The following UGT1A3 variants were observed in gnomAD, a reference collection of about 807,000 sequenced individuals.
UGT1A3 encodes UDP-glucuronosyltransferase 1A3.
In UGT1A3, 31 loss-of-function variants were observed where a neutral mutation model predicts 41.0. The observed-to-expected ratio is 0.76, with a 90% CI of 0.57 to 1.02. UGT1A3 has a LOEUF of 1.02. Ranked by LOEUF, UGT1A3 falls within the 50% of genes least tolerant of loss-of-function variation. The pLI, the probability that UGT1A3 is intolerant of heterozygous loss-of-function variation, is 0.00. For missense variants in UGT1A3, 737 were observed against 671.0 expected, an observed-to-expected ratio of 1.10 and a Z score of -1.09; for synonymous variants, 262 against 257.6, an observed-to-expected ratio of 1.02 and a Z score of -0.17.
At position 233,729,556 on chromosome 2, in the gene UGT1A3, A is replaced by T. The variant is rs150465811; in HGVS notation, c.430A>T (p.Thr144Ser). The T allele has an allele frequency of 6.2e-7, 1 of 1,614,134 alleles. No homozygotes were observed. Among genetic ancestry groups the T allele is most frequent in the East Asian group, 2.2e-5 (1 of 44,882 alleles). ...NEALIRHLNA[T>S]SFDVVLTDPV... is the part of the protein sequence containing the mutation. ...GGCCCTGATCAGGCACCTGAATGCT[A>T]CTTCCTTTGATGTGGTTTTAACAGA... Residue 144 changes from threonine (T) to serine (S), a missense_variant, in exon 1 of 5, where the codon ACT becomes TCT. By Grantham distance (58) the Thr-to-Ser change is moderately conservative. Coordinates refer to ENST00000482026, the MANE Select transcript of UGT1A3 (RefSeq NM_019093.4).
Position 233,730,281 on chromosome 2 carries a change from C to T in UGT1A3, c.867+288C>T, listed in dbSNP as rs566860864. On this transcript the variant is annotated intron_variant, in intron 1 of 4. Transcript: ENST00000482026. ...GACTGTTGGTTTGTAAAGGCACCATCTTCATGGTTGTGCATGTCCTTCAGC... is the reference window on the plus strand; with the variant it reads ...GACTGTTGGTTTGTAAAGGCACCATTTTCATGGTTGTGCATGTCCTTCAGC... 2.6e-5 allele frequency among the ~76,000 whole-genome samples: 4 copies of T among 152,274 alleles called. No individual in the cohort carries two copies. In the South Asian group the frequency reaches 8.3e-4, roughly 32 times the overall value.
chr2:233,773,036 G>A lies in UGT1A3; in HGVS notation c.*477G>A. ...TGCCACCTTGTGTGTTTAAAGAAGG[G>A]AAGCTTTGTACCTTTAGAGTGTAGG... On this transcript the variant is annotated 3_prime_UTR_variant, in exon 5 of 5. Coordinates refer to ENST00000482026, the MANE Select transcript of UGT1A3 (RefSeq NM_019093.4). 1 of 196,980 alleles carries A rather than the reference G, an allele frequency of 5.1e-6. No individual in the cohort carries two copies. Among genetic ancestry groups the A allele is most frequent in the South Asian group, 9.8e-5 (1 of 10,240 alleles). The allele number at this position is 196,980 out of a possible 1,614,324, so 12.2% of individuals were successfully genotyped here. A position where few individuals can be genotyped will look rare whatever the true frequency, so the allele number is the denominator to read the frequency against.
At chr2:233,757,535 A>AATATATATACATATACATATATACATAT (rs376887521) in intron 1 of UGT1A3, among the ~76,000 whole-genome samples, 1 of 88,312 alleles carries the variant, frequency 1.1e-5, no homozygotes, top group African/African-American at 5.0e-5. Context: ...GCCTGTAAGG[A>AATATATATACATATACATATATACATAT]ATATATATAT....
chr2:233,746,667 C>A (rs4663969), intron 1 of UGT1A3, among the ~76,000 whole-genome samples: 68,357 of 151,262 alleles, frequency 0.45, 16,045 homozygotes, highest in South Asian at 0.58. Context: ...GAGTTCCTAG[C>A]ATAGTAGGTA....
At chr2:233,736,085 G>T (rs1296774053) in intron 1 of UGT1A3, among the ~76,000 whole-genome samples, 5 of 152,146 alleles carry the variant, frequency 3.3e-5, no homozygotes, top group African/African-American at 9.7e-5. Flanking sequence ...AGTTCTCCTG[G>T]ATAATATCCT....
At chr2:233,770,445 G>A (rs1397015735) in intron 4 of UGT1A3, 1 of 152,118 alleles carries the variant, frequency 6.6e-6, no homozygotes, top group Middle Eastern at 3.2e-3. Flanking sequence ...CTTGAGGTTA[G>A]GAGTTCGAAA....
intron 1 of UGT1A3, chr2:233,756,419 A>G (rs760544825): frequency 6.6e-6 from 1 of 151,366 alleles, no homozygotes; most frequent in Non-Finnish European, 1.5e-5. Context: ...TATTATTTGT[A>G]CTGTTTTTTT....
chr2:233,738,320 T>C (rs1202605644), intron 1 of UGT1A3, among the ~76,000 whole-genome samples: 5 of 152,210 alleles, frequency 3.3e-5, no homozygotes, highest in Admixed American at 3.3e-4. Context: ...AGTGTGTGAA[T>C]GGACTAATAC....
chr2:233,760,301 C>A (rs1697391714), intron 1 of UGT1A3: 1 of 1,613,532 alleles, frequency 6.2e-7, no homozygotes, highest in South Asian at 1.1e-5. Flanking sequence ...GCTGTGGAGT[C>A]CCAGGGCGGA....
chr2:233,740,407 A>T (rs1691384076), intron 1 of UGT1A3, among the ~76,000 whole-genome samples: 1 of 151,962 alleles, frequency 6.6e-6, no homozygotes, highest in South Asian at 2.1e-4. Context: ...AAAATGGGGA[A>T]GTCTCTCTAC....
intron 4 of UGT1A3, chr2:233,770,700 A>G (rs1353912546): frequency 1.3e-5 from 2 of 152,056 alleles, no homozygotes; most frequent in African/African-American, 4.8e-5. Flanking sequence ...AATTCATCTT[A>G]AGGTTTATGT....
intron 1 of UGT1A3, among the ~76,000 whole-genome samples, chr2:233,731,783 C>T (rs553987259): frequency 3.5e-4 from 54 of 152,240 alleles, no homozygotes; most frequent in African/African-American, 1.2e-3. Context: ...CATTTATAAT[C>T]GTTTGGGTAT....
chr2:233,769,506 T>A lies in UGT1A3; in HGVS notation c.1307+1067T>A. On this transcript the variant is annotated intron_variant, in intron 4 of 4. Coordinates refer to ENST00000482026, the MANE Select transcript of UGT1A3 (RefSeq NM_019093.4). The surrounding 1 kb of genome is among the most constrained non-coding windows in gnomAD (Gnocchi z 4.4). ...GTGTGTTTATGAGAGTGTCCATTGCTTTCTCCCATGGTTACCTCCTTTAGA... is the reference window on the plus strand; with the variant it reads ...GTGTGTTTATGAGAGTGTCCATTGCATTCTCCCATGGTTACCTCCTTTAGA... The A allele has an allele frequency of 6.2e-7, 1 of 1,612,780 alleles. No individual in the cohort carries two copies. Among genetic ancestry groups the A allele is most frequent in the Non-Finnish European group, 8.5e-7 (1 of 1,179,850 alleles).
At chr2:233,760,488 C>T (rs2125984883) in intron 1 of UGT1A3, 1 of 1,614,254 alleles carries the variant, frequency 6.2e-7, no homozygotes, top group Non-Finnish European at 8.5e-7. Context: ...CCTCGTTGTA[C>T]ATCAGAGACG....
intron 3 of UGT1A3, 40 bp from the exon 4 acceptor site, chr2:233,768,180 G>C: frequency 6.2e-7 from 1 of 1,613,956 alleles, no homozygotes; most frequent in Admixed American, 1.7e-5. Context: ...GTGAAACTCA[G>C]AGATGTAACT....
In UGT1A3 at chr2:233,769,769, T is replaced by A. The variant is rs979940706; in HGVS notation, c.1307+1330T>A. 1.4e-6 allele frequency: 2 copies of A among 1,395,436 alleles called. No individual in the cohort carries two copies. Among genetic ancestry groups the A allele is most frequent in the Non-Finnish European group, 1.9e-6 (2 of 1,067,626 alleles). The allele number at this position is 1,395,436 out of a possible 1,614,324, so 86.4% of individuals were successfully genotyped here. ...ACTCTGGAGGCTAAGGCGGGAGGAT[T>A]GCTTGAGCCCAGAAGTTGGAGGCTG... is the stretch of plus-strand genomic sequence containing the variant. On this transcript the variant is annotated intron_variant, in intron 4 of 4. Transcript: ENST00000482026. This position sits in a 1 kb window ranked among gnomAD's most constrained non-coding sequence, Gnocchi z 4.4.
chr2:233,771,014 CGA>C (rs1700215366), intron 4 of UGT1A3: 2 of 152,012 alleles, frequency 1.3e-5, no homozygotes, highest in Admixed American at 1.3e-4. Context: ...AAAGCAGGAG[CGA>C]GAGAGAGTTG....
intron 2 of UGT1A3, 105 bp downstream of exon 2, chr2:233,767,270 C>T: frequency 6.3e-7 from 1 of 1,582,714 alleles, no homozygotes; most frequent in Non-Finnish European, 8.5e-7. Flanking sequence ...TTAGATTTGG[C>T]TTTTCCCTGC....
At chr2:233,732,380 T>C (rs1265735798) in intron 1 of UGT1A3, among the ~76,000 whole-genome samples, 1 of 152,104 alleles carries the variant, frequency 6.6e-6, no homozygotes, top group Non-Finnish European at 1.5e-5. Context: ...CTATGTCTTC[T>C]AGGCCATGCC....
Sources: allele counts gnomAD v4.1 joint callset (sites outside exome capture counted in the v4.1 genomes callset), GRCh38; gene constraint gnomAD v4.1.1; non-coding constraint Gnocchi (gnomAD v3.1); transcripts MANE v1.5; gene names NCBI Gene and HGNC (gene_info 2026-07-23, HGNC 2026-07-21).